The following RYR2 variants were observed in gnomAD, a reference collection of about 807,000 sequenced individuals.
RYR2 encodes ryanodine receptor 2, also known as cardiac muscle ryanodine receptor-calcium release channel.
Under a neutral mutation model 601.1 loss-of-function variants are expected in RYR2, and 227 were observed. The ratio of observed to expected loss-of-function variants is 0.38; its 90% confidence interval spans 0.34 to 0.42. The LOEUF (loss-of-function observed/expected upper bound fraction) is 0.42. Ranked by LOEUF, RYR2 falls within the 10% of genes least tolerant of loss-of-function variation. The probability of loss-of-function intolerance (pLI) is 1.00; values close to 1 mark genes in which losing one functional copy is unlikely to be tolerated. For synonymous variants in RYR2, 2,223 were observed against 2,175.1 expected, an observed-to-expected ratio of 1.02 and a Z score of -0.61; for missense variants, 4,646 against 6,156.5, an observed-to-expected ratio of 0.75 and a Z score of 8.21.
chr1:237,150,387 T>G (rs1379091838), intron 1 of RYR2, among the ~76,000 whole-genome samples: 1 of 152,208 alleles, frequency 6.6e-6, no homozygotes, highest in Non-Finnish European at 1.5e-5. Context: ...TGGGATGAAT[T>G]CAGAGGATGG....
chr1:237,730,452 TATC>T (rs1453440780), intron 77 of RYR2, 96 bp downstream of exon 77: 1 of 652,582 alleles, frequency 1.5e-6, no homozygotes, highest in Non-Finnish European at 2.7e-6. Context: ...AAGGAAAAAA[TATC>T]ATTACAGTAT....
chr1:237,390,260 C>G (rs922671706), intron 10 of RYR2, among the ~76,000 whole-genome samples: 2 of 149,634 alleles, frequency 1.3e-5, no homozygotes, highest in Non-Finnish European at 2.9e-5. Context: ...TCGGCTGTAT[C>G]TACAGACACT....
chr1:237,749,098 A>T (rs1692328548), intron 80 of RYR2, among the ~76,000 whole-genome samples: 2 of 152,228 alleles, frequency 1.3e-5, no homozygotes, highest in South Asian at 4.1e-4. Flanking sequence ...CATGTATTGA[A>T]GCAGCATATA....
intron 1 of RYR2, among the ~76,000 whole-genome samples, chr1:237,253,803 C>T (rs868207622): frequency 5.9e-5 from 9 of 152,114 alleles, no homozygotes; most frequent in Non-Finnish European, 7.3e-5. Context: ...AGGTAATTTA[C>T]GGAAAGTCTA....
intron 1 of RYR2, among the ~76,000 whole-genome samples, chr1:237,068,390 C>T (rs916279319): frequency 1.3e-5 from 2 of 152,086 alleles, no homozygotes; most frequent in African/African-American, 2.4e-5. Flanking sequence ...ATGTTCTTGG[C>T]ATGGCTCAAG....
chr1:237,637,986 A>T (rs919335690), intron 44 of RYR2, among the ~76,000 whole-genome samples: 2 of 152,074 alleles, frequency 1.3e-5, no homozygotes, highest in South Asian at 2.1e-4. Flanking sequence ...TATTGTCTCC[A>T]AAGTGTTTAA....
At chr1:237,320,407 C>T (rs528262724) in intron 2 of RYR2, among the ~76,000 whole-genome samples, 1 of 152,284 alleles carries the variant, frequency 6.6e-6, no homozygotes, top group African/African-American at 2.4e-5. Context: ...TAAACTCCTT[C>T]AGAGCCAAAT....
chr1:237,116,131 G>A (rs1357504268), intron 1 of RYR2, among the ~76,000 whole-genome samples: 2 of 152,120 alleles, frequency 1.3e-5, no homozygotes. Flanking sequence ...AGCCTTCTTT[G>A]TGGATCCTTG....
intron 1 of RYR2, among the ~76,000 whole-genome samples, chr1:237,083,128 A>G (rs1665931816): frequency 6.6e-6 from 1 of 152,162 alleles, no homozygotes; most frequent in African/African-American, 2.4e-5. Flanking sequence ...ATCAGCAGTT[A>G]CCCTTTTCAA....
At chr1:237,558,514 TTC>T (rs1671134042) in intron 27 of RYR2, among the ~76,000 whole-genome samples, 1 of 152,208 alleles carries the variant, frequency 6.6e-6, no homozygotes, top group Non-Finnish European at 1.5e-5. Flanking sequence ...GATGAGTTGC[TTC>T]TCTCTTGCTG....
At chr1:237,051,284 C>T (rs1398165924) in intron 1 of RYR2, among the ~76,000 whole-genome samples, 1 of 116,414 alleles carries the variant, frequency 8.6e-6, no homozygotes, top group African/African-American at 3.3e-5. Context: ...TCCTCCCCTT[C>T]TCTCTCTCTC....
chr1:237,452,077 T>TGTGTG (rs1553457209), intron 14 of RYR2, among the ~76,000 whole-genome samples: 4,485 of 74,468 alleles, frequency 0.06, 141 homozygotes, highest in Admixed American at 0.11. Context: ...ATATAAAATT[T>TGTGTG]TGTGTGTGTG....
chr1:237,473,477 C>CTTTCTTTCTTCTTCTTTCTT (rs1553464755), intron 17 of RYR2, among the ~76,000 whole-genome samples: 5 of 145,556 alleles, frequency 3.4e-5, no homozygotes, highest in Non-Finnish European at 4.6e-5. Context: ...ATCTATCTAT[C>CTTTCTTTCTTCTTCTTTCTT]TGGCATATAT....
chr1:237,670,404 A>G (rs916579516), intron 58 of RYR2, among the ~76,000 whole-genome samples: 1 of 152,140 alleles, frequency 6.6e-6, no homozygotes, highest in Non-Finnish European at 1.5e-5. Context: ...AATGCTGCTC[A>G]GGGATAATAT....
chr1:237,716,882 A>G (rs888581759), intron 71 of RYR2, among the ~76,000 whole-genome samples: 1 of 152,128 alleles, frequency 6.6e-6, no homozygotes, highest in African/African-American at 2.4e-5. Flanking sequence ...GAAAGCACAC[A>G]ATATCTGAAA....
chr1:237,531,199 A>G (rs911801981), intron 25 of RYR2, among the ~76,000 whole-genome samples: 1 of 152,182 alleles, frequency 6.6e-6, no homozygotes, highest in Admixed American at 6.5e-5. Context: ...AGGATTAATT[A>G]TGAAGTCAGC....
At chr1:237,672,880 T>C (rs1213364218) in intron 58 of RYR2, among the ~76,000 whole-genome samples, 3 of 152,198 alleles carry the variant, frequency 2.0e-5, no homozygotes, top group Admixed American at 2.0e-4. Flanking sequence ...TTGGTAGTTC[T>C]TGACCAGCAC....
chr1:237,706,083 T>A (rs977066677), intron 67 of RYR2, among the ~76,000 whole-genome samples: 2 of 152,106 alleles, frequency 1.3e-5, no homozygotes, highest in African/African-American at 4.8e-5. Context: ...ACCCCGTCTG[T>A]GCTAAAAATA....
At chr1:237,647,724 T>A (rs1356245265) in intron 48 of RYR2, among the ~76,000 whole-genome samples, 1 of 152,206 alleles carries the variant, frequency 6.6e-6, no homozygotes, top group Non-Finnish European at 1.5e-5. Flanking sequence ...AGCACCAGTT[T>A]GGCGTAATTA....
Sources: allele counts gnomAD v4.1 joint callset (sites outside exome capture counted in the v4.1 genomes callset), GRCh38; gene constraint gnomAD v4.1.1; transcripts MANE v1.5; gene names NCBI Gene and HGNC (gene_info 2026-07-23, HGNC 2026-07-21).